ST8SIA1: variants seen among roughly 807,000 people sequenced by gnomAD.
ST8SIA1 encodes ST8 alpha-N-acetyl-neuraminide alpha-2,8-sialyltransferase 1.
A neutral mutation model predicts 35.9 loss-of-function variants in ST8SIA1; 16 were observed. That is an observed-to-expected ratio of 0.45 (90% CI 0.30 to 0.68). The LOEUF is 0.68. Ranked by LOEUF, ST8SIA1 falls within the 30% of genes least tolerant of loss-of-function variation. The probability of loss-of-function intolerance (pLI) is 0.09; values close to 1 mark genes in which losing one functional copy is unlikely to be tolerated. For missense variants in ST8SIA1, 383 were observed against 453.6 expected (o/e 0.84, Z 1.41); for synonymous variants, 170 against 169.6 (o/e 1.00, Z -0.02).
At chr12:22,238,167 C>CCA (rs1555156073) in intron 4 of ST8SIA1, among the ~76,000 whole-genome samples, 2 of 152,032 alleles carry the variant, frequency 1.3e-5, no homozygotes, top group Admixed American at 1.3e-4. Context: ...GAGAACTCCC[C>CCA]CCCCAACAAG....
intron 4 of ST8SIA1, among the ~76,000 whole-genome samples, chr12:22,211,059 C>T (rs2120634232): frequency 6.6e-6 from 1 of 152,290 alleles, no homozygotes; most frequent in East Asian, 1.9e-4. Context: ...ATTCTAGGGG[C>T]TGCCTGATTC....
At chr12:22,235,540 G>T (rs148039584) in intron 4 of ST8SIA1, among the ~76,000 whole-genome samples, 1 of 152,184 alleles carries the variant, frequency 6.6e-6, no homozygotes, top group Non-Finnish European at 1.5e-5. Flanking sequence ...TCAACTCTGT[G>T]CAATGAATTG....
At chr12:22,243,619 C>A (rs1192420195) in intron 4 of ST8SIA1, among the ~76,000 whole-genome samples, 5 of 152,186 alleles carry the variant, frequency 3.3e-5, no homozygotes, top group Admixed American at 3.3e-4. Context: ...CCTGTTTGAT[C>A]CCTTCTATAA....
intron 4 of ST8SIA1, among the ~76,000 whole-genome samples, chr12:22,212,467 C>T (rs1415281719): frequency 1.3e-5 from 2 of 152,172 alleles, no homozygotes; most frequent in African/African-American, 4.8e-5. Flanking sequence ...ATTTACAATA[C>T]TTTCCTCCTC....
intron 4 of ST8SIA1, among the ~76,000 whole-genome samples, chr12:22,215,108 A>G (rs917993880): frequency 2.0e-5 from 3 of 152,044 alleles, no homozygotes; most frequent in African/African-American, 7.2e-5. Flanking sequence ...CCTACTCCAC[A>G]TCATTGGCCC....
chr12:22,245,901 C>T (rs1267130370), intron 4 of ST8SIA1, among the ~76,000 whole-genome samples: 1 of 152,204 alleles, frequency 6.6e-6, no homozygotes, highest in African/African-American at 2.4e-5. Context: ...GGAGAGCTTC[C>T]AGATAAGAAG....
intron 2 of ST8SIA1, among the ~76,000 whole-genome samples, chr12:22,279,600 A>G (rs1229933230): frequency 6.6e-6 from 1 of 152,228 alleles, no homozygotes; most frequent in East Asian, 1.9e-4. Flanking sequence ...ATCTCTGGGT[A>G]TAGCTCCATC....
At position 22,209,748 on chromosome 12, in the gene ST8SIA1, G is replaced by GT. The variant is rs1338936004; in HGVS notation, c.585-7711dup. 5.9e-5 allele frequency among the ~76,000 whole-genome samples: 9 copies of GT among 151,930 alleles called. No individual in the cohort carries two copies. In the South Asian group the frequency reaches 6.2e-4, roughly 11 times the overall value. Reference sequence around the variant, plus strand: ...TCTCATCTTTGTTTTCTTTCTGTATGTTTTTTTACAACATCTTTGTTGTAT... The same window carrying GT: ...TCTCATCTTTGTTTTCTTTCTGTATGTTTTTTTTACAACATCTTTGTTGTAT... On this transcript the variant is annotated intron_variant, in intron 4 of 4. Transcript: ENST00000396037.
chr12:22,319,976 T>C (rs1866565686), intron 1 of ST8SIA1, among the ~76,000 whole-genome samples: 1 of 152,172 alleles, frequency 6.6e-6, no homozygotes, highest in Admixed American at 6.5e-5. Flanking sequence ...GGTGAGGGGC[T>C]TGGGCATCTC....
Position 22,334,199 on chromosome 12 carries a change from A to T in ST8SIA1, c.34T>A (p.Ser12Thr). The T allele has an allele frequency of 1.2e-6, 2 of 1,613,446 alleles. No homozygotes were observed. Among genetic ancestry groups the T allele is most frequent in the African/African-American group, 2.7e-5 (2 of 74,976 alleles). Reference protein sequence around the residue: ...SPCGRARRQTSRGAMAVLAWK... With the variant: ...SPCGRARRQTTRGAMAVLAWK... ...GCCAGTACAGCCATGGCCCCTCTGGACGTTTGTCGCCGGGCCCGCCCGCAG... is the reference window on the plus strand; with the variant it reads ...GCCAGTACAGCCATGGCCCCTCTGGTCGTTTGTCGCCGGGCCCGCCCGCAG... Residue 12 changes from serine (S) to threonine (T), a missense_variant, in exon 1 of 5, where the codon TCC becomes ACC. By Grantham distance (58) the Ser-to-Thr change is moderately conservative. Transcript: ENST00000396037.
intron 4 of ST8SIA1, among the ~76,000 whole-genome samples, chr12:22,223,971 A>T (rs1865329090): frequency 6.6e-6 from 1 of 152,214 alleles, no homozygotes; most frequent in Non-Finnish European, 1.5e-5. Flanking sequence ...TTATGAATTC[A>T]AAAGGTCGGA....
At chr12:22,220,024 T>A (rs554467606) in intron 4 of ST8SIA1, among the ~76,000 whole-genome samples, 3 of 152,316 alleles carry the variant, frequency 2.0e-5, no homozygotes, top group Admixed American at 2.0e-4. Flanking sequence ...GAGTTCTAGT[T>A]TGTATGTAAT....
At chr12:22,329,033 C>G (rs1459993686) in intron 1 of ST8SIA1, among the ~76,000 whole-genome samples, 1 of 152,120 alleles carries the variant, frequency 6.6e-6, no homozygotes, top group Non-Finnish European at 1.5e-5. Context: ...CAAGTCATTC[C>G]AGGTGGAGTG....
Position 22,193,891 on chromosome 12 carries a change from T to C in ST8SIA1, c.*7661A>G, listed in dbSNP as rs1864952802. The C allele has an allele frequency of 6.6e-6, 1 of 152,222 alleles. No individual in the cohort carries two copies. The highest frequency in any genetic ancestry group is 6.5e-5 in the Admixed American group (1 of 15,290). The allele number at this position is 152,222 out of a possible 1,614,324, so 9.4% of individuals were successfully genotyped here. A position where few individuals can be genotyped will look rare whatever the true frequency, so the allele number is the denominator to read the frequency against. ...ATAATGTTTTAATTTTTCTATTTTC[T>C]TAACTCCAGCCTCAAACTTTGCTCT... is the stretch of plus-strand genomic sequence containing the variant. On this transcript the variant is annotated 3_prime_UTR_variant, in exon 5 of 5. Transcript: ENST00000396037.
chr12:22,211,132 T>G (rs906699831), intron 4 of ST8SIA1, among the ~76,000 whole-genome samples: 9 of 152,204 alleles, frequency 5.9e-5, no homozygotes, highest in African/African-American at 2.2e-4. Flanking sequence ...CTTTTAATAT[T>G]ACAAAGGATA....
At chr12:22,322,654 C>A (rs1866616283) in intron 1 of ST8SIA1, among the ~76,000 whole-genome samples, 1 of 152,142 alleles carries the variant, frequency 6.6e-6, no homozygotes, top group African/African-American at 2.4e-5. Context: ...GTATGTGGAG[C>A]CATTTCACAC....
chr12:22,319,556 AGATGC>A (rs1866557919), intron 1 of ST8SIA1, among the ~76,000 whole-genome samples: 1 of 152,206 alleles, frequency 6.6e-6, no homozygotes, highest in Admixed American at 6.5e-5. Context: ...CCAAGGCTGG[AGATGC>A]AGCTTCTGAG....
chr12:22,275,052 C>T (rs3819865), intron 2 of ST8SIA1, among the ~76,000 whole-genome samples: 14,068 of 152,080 alleles, frequency 0.093, 782 homozygotes, highest in East Asian at 0.15. Context: ...TTAATCAACA[C>T]TGCCAGGTGG....
chr12:22,194,495 A>T lies in ST8SIA1; in HGVS notation c.*7057T>A, dbSNP rs2120578814. 6.6e-6 allele frequency: 1 copy of T among 152,326 alleles called. No homozygotes were observed. 9.4% of individuals were successfully genotyped at this position (152,326 alleles called of 1,614,324 possible). A position where few individuals can be genotyped will look rare whatever the true frequency, so the allele number is the denominator to read the frequency against. Reference sequence around the variant, plus strand: ...CAGACATGATTACATCTCTAAAGTGACAGAGGTATATGAAGGAAACACATA... The same window carrying T: ...CAGACATGATTACATCTCTAAAGTGTCAGAGGTATATGAAGGAAACACATA... On this transcript the variant is annotated 3_prime_UTR_variant, in exon 5 of 5. Coordinates refer to ENST00000396037, the MANE Select transcript of ST8SIA1 (RefSeq NM_003034.4).
Sources: gnomAD v4.1 joint callset for allele counts (sites outside exome capture counted in the v4.1 genomes callset) on GRCh38, gnomAD v4.1.1 for gene constraint, MANE v1.5 for transcripts, NCBI Gene and HGNC (gene_info 2026-07-23, HGNC 2026-07-21) for gene names.